NHERF4: variants seen among roughly 807,000 people sequenced by gnomAD.
The protein encoded by NHERF4 is Na(+)/H(+) exchange regulatory cofactor NHE-RF4.
chr11:119,185,615 G>C, the NHERF4 span: 15 of 1,112,518 alleles, frequency 1.3e-5, no homozygotes, highest in Middle Eastern at 1.0e-3. Flanking sequence ...TTGGGGCTTG[G>C]AGCCCTGAGG....
the NHERF4 span, chr11:119,188,568 A>G: frequency 6.2e-7 from 1 of 1,602,432 alleles, no homozygotes; most frequent in East Asian, 2.2e-5. Flanking sequence ...GCTGAGGGGC[A>G]GGGGCTAGGG....
the NHERF4 span, chr11:119,187,290 C>CA: frequency 1.1e-5 from 18 of 1,607,256 alleles, no homozygotes; most frequent in Non-Finnish European, 1.4e-5. Context: ...GCATCCGGGC[C>CA]AGCAGCCCTC....
At chr11:119,190,166 A>G in the NHERF4 span, 1 of 951,338 alleles carries the variant, frequency 1.1e-6, no homozygotes, top group Non-Finnish European at 1.5e-6. This position sits in a 1 kb window ranked among gnomAD's most constrained non-coding sequence, Gnocchi z 4.2. Context: ...AACAACAACA[A>G]AAACAAAAAA....
At chr11:119,186,306 G>A in the NHERF4 span, 1 of 1,588,968 alleles carries the variant, frequency 6.3e-7, no homozygotes, top group South Asian at 1.1e-5. This position sits in a 1 kb window ranked among gnomAD's most constrained non-coding sequence, Gnocchi z 4.4. Flanking sequence ...GGAGGGGCCG[G>A]GTGTTTTCTC....
the NHERF4 span, chr11:119,185,743 G>A: frequency 4.7e-6 from 4 of 851,576 alleles, no homozygotes; most frequent in South Asian, 1.4e-5. Flanking sequence ...AAAGGGAGGG[G>A]ACCGCACAAT....
At chr11:119,188,455 G>A in the NHERF4 span, 4 of 1,612,850 alleles carry the variant, frequency 2.5e-6, no homozygotes, top group East Asian at 4.5e-5. Context: ...GCGTGGAGGG[G>A]CTGGGCCATG....
the NHERF4 span, chr11:119,189,167 C>T: frequency 2.2e-3 from 3,492 of 1,612,606 alleles, 64 homozygotes; most frequent in African/African-American, 0.039. This position sits in a 1 kb window ranked among gnomAD's most constrained non-coding sequence, Gnocchi z 5.8. Flanking sequence ...CAGGTCTCTG[C>T]GGGGCTTGGA....
the NHERF4 span, chr11:119,187,354 C>G: frequency 1.2e-6 from 2 of 1,613,868 alleles, no homozygotes; most frequent in South Asian, 2.2e-5. Flanking sequence ...CCGAGCTCAG[C>G]TGGGAGAAGA....
chr11:119,185,916 G>C, the NHERF4 span: 1 of 1,614,112 alleles, frequency 6.2e-7, no homozygotes, highest in Non-Finnish European at 8.5e-7. Flanking sequence ...CCACTTCTTT[G>C]CCCAGTAGAT....
At chr11:119,187,631 C>G in the NHERF4 span, 2 of 1,568,364 alleles carry the variant, frequency 1.3e-6, no homozygotes, top group South Asian at 1.2e-5. Flanking sequence ...GGGTGCCCCC[C>G]GGGGCCCGGC....
chr11:119,186,777 CA>C, the NHERF4 span: 1 of 1,270,110 alleles, frequency 7.9e-7, no homozygotes, highest in Non-Finnish European at 1.1e-6. The surrounding 1 kb of genome is among the most constrained non-coding windows in gnomAD (Gnocchi z 4.4). Context: ...CAGCAGGGCA[CA>C]AGCCTCACTC....
chr11:119,186,757 G>A, the NHERF4 span: 1 of 1,405,132 alleles, frequency 7.1e-7, no homozygotes, highest in Non-Finnish European at 9.6e-7. This position sits in a 1 kb window ranked among gnomAD's most constrained non-coding sequence, Gnocchi z 4.4. Context: ...CAGTCCCCTG[G>A]GCAGTATGGC....
At chr11:119,185,987 ATAAT>A in the NHERF4 span, 2 of 1,614,072 alleles carry the variant, frequency 1.2e-6, no homozygotes, top group South Asian at 2.2e-5. Flanking sequence ...AGGGGAGGAA[ATAAT>A]TGGAGGCAGC....
At chr11:119,185,966 G>C in the NHERF4 span, 1 of 1,614,164 alleles carries the variant, frequency 6.2e-7, no homozygotes, top group Non-Finnish European at 8.5e-7. Context: ...AGTGCCACGA[G>C]GGTTGGGGCA....
chr11:119,185,898 C>T, the NHERF4 span: 4 of 1,613,990 alleles, frequency 2.5e-6, no homozygotes, highest in African/African-American at 1.3e-5. Flanking sequence ...TGACTCTCCT[C>T]CTCTCACCCA....
the NHERF4 span, chr11:119,185,510 G>A: frequency 1.2e-6 from 2 of 1,614,012 alleles, no homozygotes; most frequent in Non-Finnish European, 1.7e-6. Context: ...GAAAGCCGCA[G>A]GTAGGAGGCC....
At chr11:119,186,182 CT>C in the NHERF4 span, 6 of 1,614,188 alleles carry the variant, frequency 3.7e-6, no homozygotes, top group Admixed American at 1.7e-5. The surrounding 1 kb of genome is among the most constrained non-coding windows in gnomAD (Gnocchi z 4.4). Flanking sequence ...CCCTCACCCC[CT>C]GGCAACCATT....
At chr11:119,187,820 C>T in the NHERF4 span, 4 of 1,459,708 alleles carry the variant, frequency 2.7e-6, no homozygotes, top group African/African-American at 4.3e-5. Context: ...TATCACCATC[C>T]TCCCCCTCTA....
chr11:119,188,124 A>G, the NHERF4 span: 1 of 1,546,982 alleles, frequency 6.5e-7, no homozygotes, highest in Non-Finnish European at 8.7e-7. Flanking sequence ...CGGGAGGAAA[A>G]GGGCCTTGAC....
Sources: allele counts gnomAD v4.1 joint callset, GRCh38; gene constraint gnomAD v4.1.1; non-coding constraint Gnocchi (gnomAD v3.1); transcripts MANE v1.5; gene names NCBI Gene and HGNC (gene_info 2026-07-23, HGNC 2026-07-21).